DPP10: variants seen among roughly 807,000 people sequenced by gnomAD.
DPP10 encodes dipeptidyl peptidase like 10.
DPP10 carries 33 observed loss-of-function variants against 120.9 expected under a neutral mutation model. That is an observed-to-expected ratio of 0.27 (90% CI 0.21 to 0.37). The LOEUF (loss-of-function observed/expected upper bound fraction) is 0.37, where lower values mean the gene tolerates loss of function less well. Among genes scored for constraint, DPP10 ranks in the 10% least tolerant of loss-of-function variants. The probability of loss-of-function intolerance (pLI) is 1.00; values close to 1 mark genes in which losing one functional copy is unlikely to be tolerated. For synonymous variants in DPP10, 337 were observed against 326.1 expected (o/e 1.03, Z -0.36); for missense variants, 816 against 942.8 (o/e 0.87, Z 1.76).
intron 1 of DPP10, among the ~76,000 whole-genome samples, chr2:114,865,295 T>C (rs1690134881): frequency 6.6e-6 from 1 of 152,196 alleles, no homozygotes; most frequent in Admixed American, 6.5e-5. Flanking sequence ...AAAATGACAG[T>C]TATGTAAAAA....
chr2:115,759,851 A>G (rs1189466734), intron 11 of DPP10, among the ~76,000 whole-genome samples: 1 of 152,082 alleles, frequency 6.6e-6, no homozygotes, highest in African/African-American at 2.4e-5. Context: ...TCCCTACTAA[A>G]AATACAAAAT....
intron 3 of DPP10, among the ~76,000 whole-genome samples, chr2:115,498,377 A>G (rs2076512654): frequency 6.6e-6 from 1 of 152,152 alleles, no homozygotes; most frequent in African/African-American, 2.4e-5. Context: ...TTGTTCTGCC[A>G]AAAGTGTCAG....
intron 5 of DPP10, among the ~76,000 whole-genome samples, chr2:115,542,647 T>C (rs1040904246): frequency 6.6e-6 from 1 of 151,522 alleles, no homozygotes; most frequent in African/African-American, 2.4e-5. Flanking sequence ...CAGGAAGCCC[T>C]TTTGGCCTGA....
intron 5 of DPP10, among the ~76,000 whole-genome samples, chr2:115,605,560 T>A (rs929602908): frequency 1.3e-5 from 2 of 152,000 alleles, no homozygotes; most frequent in Non-Finnish European, 2.9e-5. Flanking sequence ...TTTTTTACAG[T>A]GTAGAATGAA....
intron 1 of DPP10, among the ~76,000 whole-genome samples, chr2:114,894,129 G>A (rs1692774525): frequency 2.0e-5 from 3 of 152,148 alleles, no homozygotes; most frequent in Admixed American, 2.0e-4. Context: ...TATGTAATGA[G>A]TGCTGCTATG....
chr2:115,714,087 T>C (rs2092413518), intron 7 of DPP10, among the ~76,000 whole-genome samples: 2 of 152,186 alleles, frequency 1.3e-5, no homozygotes, highest in South Asian at 2.1e-4. Context: ...TCTATTCTAA[T>C]GTTAAAGTAT....
At chr2:115,798,869 TA>T (rs574865961) in intron 19 of DPP10, among the ~76,000 whole-genome samples, 1 of 152,126 alleles carries the variant, frequency 6.6e-6, no homozygotes, top group Non-Finnish European at 1.5e-5. Context: ...TTCTCATTTT[TA>T]GCATGCCATT....
chr2:115,831,850 G>C (rs1688959424), intron 21 of DPP10, among the ~76,000 whole-genome samples: 1 of 152,112 alleles, frequency 6.6e-6, no homozygotes, highest in African/African-American at 2.4e-5. Flanking sequence ...TTGGCAAATG[G>C]GAATGACAAA....
intron 1 of DPP10, among the ~76,000 whole-genome samples, chr2:114,845,139 C>G (rs1688444660): frequency 6.6e-6 from 1 of 152,152 alleles, no homozygotes; most frequent in African/African-American, 2.4e-5. Context: ...ATGACATGGT[C>G]TCAAGTTGCT....
intron 1 of DPP10, among the ~76,000 whole-genome samples, chr2:115,289,228 A>T (rs2105915896): frequency 6.6e-6 from 1 of 152,214 alleles, no homozygotes; most frequent in East Asian, 1.9e-4. Context: ...GAATATGCTT[A>T]ACTAAGGAGG....
chr2:115,415,841 TTATATATATATATATATATATA>T (rs70941057), intron 3 of DPP10, among the ~76,000 whole-genome samples: 8 of 74,296 alleles, frequency 1.1e-4, no homozygotes, highest in South Asian at 1.1e-3. Context: ...TGATTTGCTT[TTATATATATATATATATATATA>T]TATATATATA....
At chr2:115,731,344 G>A (rs2149656102) in intron 8 of DPP10, among the ~76,000 whole-genome samples, 1 of 150,216 alleles carries the variant, frequency 6.7e-6, no homozygotes, top group Middle Eastern at 3.4e-3. Context: ...GACAGAGCAA[G>A]ACTCTGTCTC....
At chr2:115,831,760 AT>A (rs926662730) in intron 21 of DPP10, among the ~76,000 whole-genome samples, 4 of 152,242 alleles carry the variant, frequency 2.6e-5, no homozygotes, top group Non-Finnish European at 5.9e-5. Context: ...CTAAGGAAAC[AT>A]TCCTATATTT....
intron 1 of DPP10, among the ~76,000 whole-genome samples, chr2:115,195,403 T>G (rs1298864213): frequency 6.6e-6 from 1 of 152,034 alleles, no homozygotes; most frequent in Admixed American, 6.6e-5. Flanking sequence ...AATAAGCAAT[T>G]TTGCTCATTT....
chr2:114,841,609 A>G (rs1197221231), intron 1 of DPP10, among the ~76,000 whole-genome samples: 3 of 152,140 alleles, frequency 2.0e-5, no homozygotes, highest in Non-Finnish European at 4.4e-5. Flanking sequence ...CAGGAAGAGA[A>G]GTACTAGCTG....
At chr2:115,763,334 A>T (rs1680332338) in intron 12 of DPP10, among the ~76,000 whole-genome samples, 2 of 152,132 alleles carry the variant, frequency 1.3e-5, no homozygotes, top group African/African-American at 4.8e-5. Context: ...CAGACACTTC[A>T]GTGAGTTCTG....
At chr2:115,445,864 C>T (rs1051745777) in intron 3 of DPP10, among the ~76,000 whole-genome samples, 11 of 152,212 alleles carry the variant, frequency 7.2e-5, no homozygotes, top group Non-Finnish European at 1.5e-4. Flanking sequence ...CTCCTTTCAT[C>T]ACAGGCCTGG....
At chr2:114,715,237 C>T (rs1318398611) in intron 1 of DPP10, among the ~76,000 whole-genome samples, 1 of 152,086 alleles carries the variant, frequency 6.6e-6, no homozygotes, top group Non-Finnish European at 1.5e-5. Context: ...AGAAAATGTC[C>T]TCTAGTGGAA....
At chr2:115,592,616 C>T (rs761424319) in intron 5 of DPP10, among the ~76,000 whole-genome samples, 42 of 151,500 alleles carry the variant, frequency 2.8e-4, no homozygotes, top group Non-Finnish European at 1.0e-4. Context: ...ATTAGCTGGG[C>T]GTGGTGGCTT....
Sources: gnomAD v4.1 joint callset for allele counts (sites outside exome capture counted in the v4.1 genomes callset) on GRCh38, gnomAD v4.1.1 for gene constraint, MANE v1.5 for transcripts, NCBI Gene and HGNC (gene_info 2026-07-23, HGNC 2026-07-21) for gene names.